OPCML: variants seen among roughly 807,000 people sequenced by gnomAD.
OPCML encodes the protein opioid-binding protein/cell adhesion molecule.
OPCML carries 13 observed loss-of-function variants against 37.8 expected under a neutral mutation model. The observed-to-expected ratio is 0.34, with a 90% CI of 0.22 to 0.55. OPCML has a LOEUF of 0.55. OPCML is among the 20% of genes least tolerant of loss of function. The pLI, the probability that OPCML is intolerant of heterozygous loss-of-function variation, is 0.91. For missense variants in OPCML, 341 were observed against 435.6 expected (o/e 0.78, Z 1.93); for synonymous variants, 176 against 168.8 (o/e 1.04, Z -0.33).
intron 2 of OPCML, among the ~76,000 whole-genome samples, chr11:132,850,754 G>A (rs111314758): frequency 0.011 from 1,682 of 152,214 alleles, 24 homozygotes; most frequent in African/African-American, 0.038. Flanking sequence ...ATTCAGACAG[G>A]AAACTAGCAA....
At chr11:133,140,531 T>TAATAATAATAAGAAGAAG (rs1272061685) in intron 1 of OPCML, among the ~76,000 whole-genome samples, 980 of 88,038 alleles carry the variant, frequency 0.011, 14 homozygotes, top group Middle Eastern at 0.021. Flanking sequence ...ATAATAATAA[T>TAATAATAATAAGAAGAAG]AAGAAGAAGA....
intron 4 of OPCML, among the ~76,000 whole-genome samples, chr11:132,448,937 C>A (rs2096062003): frequency 6.6e-6 from 1 of 152,192 alleles, no homozygotes; most frequent in Non-Finnish European, 1.5e-5. Context: ...TGTTTTATAA[C>A]CTTTCATCAC....
chr11:133,051,563 G>C (rs1948132202), intron 1 of OPCML, among the ~76,000 whole-genome samples: 1 of 152,046 alleles, frequency 6.6e-6, no homozygotes, highest in South Asian at 2.1e-4. Context: ...ATTCTCACTT[G>C]CCTGCCCCAC....
chr11:132,592,958 G>C (rs572842766), intron 3 of OPCML, among the ~76,000 whole-genome samples: 52 of 152,286 alleles, frequency 3.4e-4, no homozygotes, highest in Middle Eastern at 3.4e-3. Context: ...CTTTCTCTTC[G>C]AGGAGAGAGC....
At chr11:132,529,266 T>C in intron 3 of OPCML, 80 bp from the exon 4 acceptor site, 6 of 1,487,794 alleles carry the variant, frequency 4.0e-6, no homozygotes, top group Non-Finnish European at 5.4e-6. Flanking sequence ...CAAATTTTTG[T>C]ATAGCATGTT....
intron 2 of OPCML, among the ~76,000 whole-genome samples, chr11:132,873,374 T>C (rs1036103122): frequency 2.0e-5 from 3 of 152,172 alleles, no homozygotes; most frequent in African/African-American, 7.2e-5. Context: ...CCATTTCAGT[T>C]ATTTCACAAG....
At chr11:133,517,237 T>C (rs1360384934) in intron 1 of OPCML, among the ~76,000 whole-genome samples, 1 of 152,228 alleles carries the variant, frequency 6.6e-6, no homozygotes, top group Non-Finnish European at 1.5e-5. Context: ...ACTCTTTTTA[T>C]CATTATATAT....
intron 2 of OPCML, among the ~76,000 whole-genome samples, chr11:132,932,332 AAACAGGGGCATGG>A (rs1945233559): frequency 6.6e-6 from 1 of 152,160 alleles, no homozygotes; most frequent in Non-Finnish European, 1.5e-5. Flanking sequence ...ACCACAATAA[AAACAGGGGCATGG>A]AGGAACTTTT....
chr11:133,511,054 G>A (rs560570396), intron 1 of OPCML, among the ~76,000 whole-genome samples: 117 of 152,294 alleles, frequency 7.7e-4, no homozygotes, highest in African/African-American at 2.7e-3. Context: ...TGCGATTGGT[G>A]TCAACTTTAT....
At chr11:132,891,034 A>T (rs947912975) in intron 2 of OPCML, among the ~76,000 whole-genome samples, 3 of 152,132 alleles carry the variant, frequency 2.0e-5, no homozygotes, top group Admixed American at 6.5e-5. Flanking sequence ...CCCACATGGT[A>T]GTAGTATGCA....
intron 1 of OPCML, among the ~76,000 whole-genome samples, chr11:133,523,245 C>G (rs777956194): frequency 9.2e-5 from 14 of 152,146 alleles, no homozygotes; most frequent in Non-Finnish European, 1.0e-4. Flanking sequence ...TAAAAACAAC[C>G]TATTCCTTGT....
chr11:132,658,906 C>T (rs180987436), intron 2 of OPCML, among the ~76,000 whole-genome samples: 2 of 152,246 alleles, frequency 1.3e-5, no homozygotes, highest in African/African-American at 2.4e-5. Context: ...TTTGCTTTCA[C>T]CTGAAATAGA....
At chr11:132,637,840 G>A (rs546689609) in intron 3 of OPCML, among the ~76,000 whole-genome samples, 54 of 152,116 alleles carry the variant, frequency 3.5e-4, no homozygotes, top group Middle Eastern at 3.4e-3. Context: ...TGTGTTCAGA[G>A]CCAGGCTCTT....
At chr11:133,239,717 T>C (rs1462341878) in intron 1 of OPCML, among the ~76,000 whole-genome samples, 1 of 152,142 alleles carries the variant, frequency 6.6e-6, no homozygotes, top group Non-Finnish European at 1.5e-5. Flanking sequence ...CACCAGGAAG[T>C]CAGGCAGTGT....
intron 4 of OPCML, among the ~76,000 whole-genome samples, chr11:132,502,154 C>T (rs571030193): frequency 6.6e-6 from 1 of 152,320 alleles, no homozygotes; most frequent in East Asian, 1.9e-4. Flanking sequence ...CCTTTACCCA[C>T]CACCCTCTGC....
rs1165917612 is a variant in OPCML at position 133,370,555 on chromosome 11, C to G, written c.61+161709G>C. Among the ~76,000 whole-genome samples, 6 of 146,958 alleles carry G rather than the reference C, an allele frequency of 4.1e-5. No homozygotes were observed. In the East Asian group the frequency reaches 9.9e-4, roughly 24 times the overall value. ...AGGTGAAAGATTTCTACCAGGAAAA[C>G]TGCAAAACATTGCTGAAAAAAAAAT... is the stretch of plus-strand genomic sequence containing the variant. On this transcript the variant is annotated intron_variant, in intron 1 of 7. Coordinates refer to ENST00000524381, the MANE Select transcript of OPCML (RefSeq NM_001012393.5).
intron 2 of OPCML, among the ~76,000 whole-genome samples, chr11:132,751,610 C>T (rs1446528199): frequency 6.6e-6 from 1 of 152,204 alleles, no homozygotes; most frequent in East Asian, 1.9e-4. Flanking sequence ...ACTCCAATTT[C>T]AAGAAATAGG....
At chr11:133,176,978 G>A (rs1455442942) in intron 1 of OPCML, among the ~76,000 whole-genome samples, 1 of 152,132 alleles carries the variant, frequency 6.6e-6, no homozygotes, top group Admixed American at 6.5e-5. Flanking sequence ...CACTCCTTGG[G>A]CATGCAGCTT....
intron 1 of OPCML, among the ~76,000 whole-genome samples, chr11:133,027,102 G>A (rs1341887860): frequency 6.6e-6 from 1 of 152,152 alleles, no homozygotes; most frequent in Non-Finnish European, 1.5e-5. Flanking sequence ...GAAGTTACAT[G>A]GCCTCTCTGT....
Sources: gnomAD v4.1 joint callset for allele counts (sites outside exome capture counted in the v4.1 genomes callset) on GRCh38, gnomAD v4.1.1 for gene constraint, MANE v1.5 for transcripts, NCBI Gene and HGNC (gene_info 2026-07-23, HGNC 2026-07-21) for gene names.